The following PCDH9 variants were observed in gnomAD, a reference collection of about 807,000 sequenced individuals.
The protein encoded by PCDH9 is protocadherin-9.
A neutral mutation model predicts 70.6 loss-of-function variants in PCDH9; 24 were observed. The observed-to-expected ratio is 0.34, with a 90% CI of 0.25 to 0.48. The LOEUF (loss-of-function observed/expected upper bound fraction) is 0.48, where lower values mean the gene tolerates loss of function less well. PCDH9 is among the 20% of genes least tolerant of loss of function. The probability of loss-of-function intolerance (pLI) is 0.99; values close to 1 mark genes in which losing one functional copy is unlikely to be tolerated. For missense variants in PCDH9, 1,281 were observed against 1,503.6 expected, an observed-to-expected ratio of 0.85 and a Z score of 2.45; for synonymous variants, 562 against 558.5, an observed-to-expected ratio of 1.01 and a Z score of -0.09.
At chr13:67,082,322 T>C (rs2086002098) in intron 2 of PCDH9, among the ~76,000 whole-genome samples, 1 of 152,220 alleles carries the variant, frequency 6.6e-6, no homozygotes, top group Non-Finnish European at 1.5e-5. Flanking sequence ...GGATTCCACA[T>C]ATGAATGAAA....
At position 67,018,958 on chromosome 13, in the gene PCDH9, T is replaced by C. The variant is rs538743837; in HGVS notation, c.3037-115353A>G. ...CAAATACCCAATCTTGTAACCACTATCACCACCTGCCCTAGTTGCTTCTCA... is the reference window on the plus strand; with the variant it reads ...CAAATACCCAATCTTGTAACCACTACCACCACCTGCCCTAGTTGCTTCTCA... On this transcript the variant is annotated intron_variant, in intron 2 of 4. Transcript: ENST00000377865. 2.9e-3 allele frequency among the ~76,000 whole-genome samples: 449 copies of C among 152,256 alleles called. 1 individual carries two copies. The highest frequency in any genetic ancestry group is 5.3e-3 in the Non-Finnish European group (360 of 68,038).
chr13:66,472,056 CA>C (rs1182014844), intron 4 of PCDH9, among the ~76,000 whole-genome samples: 1 of 151,308 alleles, frequency 6.6e-6, no homozygotes, highest in Non-Finnish European at 1.5e-5. Context: ...ACTAAAAATA[CA>C]AAAAATTAGC....
At chr13:67,113,555 T>G (rs538762696) in intron 2 of PCDH9, among the ~76,000 whole-genome samples, 124 of 145,098 alleles carry the variant, frequency 8.5e-4, no homozygotes, top group African/African-American at 3.1e-3. Context: ...CCAAATCATG[T>G]TTTTTTTTTT....
At chr13:66,399,152 T>C (rs1957149246) in intron 4 of PCDH9, among the ~76,000 whole-genome samples, 1 of 152,186 alleles carries the variant, frequency 6.6e-6, no homozygotes, top group African/African-American at 2.4e-5. Flanking sequence ...GGAGTATCAA[T>C]GAGAATGTAT....
At position 66,800,334 on chromosome 13, in the gene PCDH9, T is replaced by C. The variant is rs553147449; in HGVS notation, c.3138+103170A>G. Among the ~76,000 whole-genome samples the C allele has an allele frequency of 3.9e-5, 6 of 152,240 alleles. No individual in the cohort carries two copies. In the South Asian group the frequency reaches 1.2e-3, roughly 32 times the overall value. On this transcript the variant is annotated intron_variant, in intron 3 of 4. Transcript: ENST00000377865. ...CATCCAAGTCTTTGTTCAACTCCTC[T>C]TCAGCAAAACAATTCCTACCTATTC...
At chr13:66,341,353 C>A (rs1956120672) in intron 4 of PCDH9, among the ~76,000 whole-genome samples, 1 of 152,218 alleles carries the variant, frequency 6.6e-6, no homozygotes, top group South Asian at 2.1e-4. Flanking sequence ...GCTGGCCACT[C>A]AAAGTGCTGG....
intron 2 of PCDH9, among the ~76,000 whole-genome samples, chr13:67,164,466 T>C (rs2088051257): frequency 6.6e-6 from 1 of 151,566 alleles, no homozygotes; most frequent in African/African-American, 2.4e-5. Context: ...TCCCAGCTAC[T>C]TGGGAGGCTG....
intron 2 of PCDH9, among the ~76,000 whole-genome samples, chr13:67,057,410 G>A (rs576611773): frequency 6.6e-6 from 1 of 152,138 alleles, no homozygotes; most frequent in Non-Finnish European, 1.5e-5. Flanking sequence ...GTTACTTAGT[G>A]AGTGGAAGGA....
At position 66,602,613 on chromosome 13, in the gene PCDH9, T is replaced by TC. The variant is rs1269729973; in HGVS notation, c.3340+28596_3340+28597insG. The stretch of plus-strand genomic sequence containing the variant: ...TAAGTGCTATTACAAGAGTCAAAAA[T>TC]TTTTAAAAGTAAAAGTAAGCTAAGT... On this transcript the variant is annotated intron_variant, in intron 4 of 4. Transcript: ENST00000377865. Among the ~76,000 whole-genome samples, 2 of 12,388 alleles carry TC rather than the reference T, an allele frequency of 1.6e-4. 1 individual carries two copies. The highest frequency in any genetic ancestry group is 0.024 in the Non-Finnish European group (2 of 84). The allele number at this position is 12,388 out of a possible 152,430, so 8.1% of individuals were successfully genotyped here.
chr13:66,724,776 C>A (rs1451143048), intron 3 of PCDH9, among the ~76,000 whole-genome samples: 1 of 152,088 alleles, frequency 6.6e-6, no homozygotes, highest in South Asian at 2.1e-4. Context: ...TGTTAACAAC[C>A]ACCAATCAGA....
intron 4 of PCDH9, among the ~76,000 whole-genome samples, chr13:66,416,637 C>G (rs1957466191): frequency 6.6e-6 from 1 of 152,060 alleles, no homozygotes; most frequent in Admixed American, 6.6e-5. Flanking sequence ...ATGGGGTATG[C>G]TTAGTGTAGG....
chr13:66,577,894 C>G (rs1318347493), intron 4 of PCDH9, among the ~76,000 whole-genome samples: 2 of 151,990 alleles, frequency 1.3e-5, no homozygotes, highest in African/African-American at 4.8e-5. Flanking sequence ...AGCTGATAAA[C>G]TTCTGTCAGA....
At chr13:67,196,079 G>A (rs886185988) in intron 2 of PCDH9, among the ~76,000 whole-genome samples, 4 of 152,148 alleles carry the variant, frequency 2.6e-5, no homozygotes, top group African/African-American at 7.2e-5. Context: ...TTGTTGTGAA[G>A]AGTAAACAAA....
chr13:66,534,013 C>T (rs1054111023), intron 4 of PCDH9, among the ~76,000 whole-genome samples: 2 of 152,110 alleles, frequency 1.3e-5, no homozygotes, highest in African/African-American at 4.8e-5. Flanking sequence ...ATTCCATTAT[C>T]TTCCTTACCA....
At chr13:66,816,405 T>C (rs1034719618) in intron 3 of PCDH9, among the ~76,000 whole-genome samples, 3 of 152,138 alleles carry the variant, frequency 2.0e-5, no homozygotes, top group African/African-American at 4.8e-5. Context: ...CCCAAGTGCA[T>C]GAATATGGGT....
intron 2 of PCDH9, among the ~76,000 whole-genome samples, chr13:67,173,502 C>T (rs1251777532): frequency 6.6e-6 from 1 of 152,102 alleles, no homozygotes; most frequent in African/African-American, 2.4e-5. Flanking sequence ...GCTCCATTTT[C>T]CTCTCTGTGG....
chr13:66,515,723 T>C (rs1959700192), intron 4 of PCDH9, among the ~76,000 whole-genome samples: 1 of 152,002 alleles, frequency 6.6e-6, no homozygotes, highest in African/African-American at 2.4e-5. Flanking sequence ...AACAAGAATG[T>C]AAATAGTAAA....
intron 2 of PCDH9, chr13:67,214,275 T>C (rs569394921): frequency 2.0e-5 from 3 of 152,308 alleles, no homozygotes; most frequent in African/African-American, 7.2e-5. Context: ...ATCTCAGAAA[T>C]ATGATCCATA....
chr13:66,573,753 G>GTTTA (rs2076770718), intron 4 of PCDH9, among the ~76,000 whole-genome samples: 1 of 151,978 alleles, frequency 6.6e-6, no homozygotes, highest in Non-Finnish European at 1.5e-5. Flanking sequence ...TTGTTTGTTT[G>GTTTA]TTTGTTTGTT....
Sources: gnomAD v4.1 joint callset for allele counts (sites outside exome capture counted in the v4.1 genomes callset) on GRCh38, gnomAD v4.1.1 for gene constraint, MANE v1.5 for transcripts, NCBI Gene and HGNC (gene_info 2026-07-23, HGNC 2026-07-21) for gene names.